Variants in MLIP observed in about 807,000 individuals in gnomAD.
MLIP encodes the protein muscular LMNA interacting protein, also known as muscular LMNA-interacting protein.
MLIP carries 79 observed loss-of-function variants against 84.8 expected under a neutral mutation model. The ratio of observed to expected loss-of-function variants is 0.93; its 90% CI spans 0.78 to 1.12. MLIP has a LOEUF of 1.12. MLIP is among the 50% of genes most tolerant of loss of function. The probability of loss-of-function intolerance (pLI) is 0.00; values close to 1 mark genes in which losing one functional copy is unlikely to be tolerated. For synonymous variants in MLIP, 504 were observed against 463.0 expected (o/e 1.09, Z -1.14); for missense variants, 1,257 against 1,160.6 (o/e 1.08, Z -1.21).
chr6:54,158,119 G>C (rs1368049466), intron 5 of MLIP, among the ~76,000 whole-genome samples: 2 of 152,076 alleles, frequency 1.3e-5, no homozygotes, highest in Non-Finnish European at 2.9e-5. Context: ...AAGGCTAATA[G>C]TTCTGGATGG....
At chr6:54,154,227 C>T (rs1773778938) in intron 5 of MLIP, among the ~76,000 whole-genome samples, 1 of 151,816 alleles carries the variant, frequency 6.6e-6, no homozygotes, top group African/African-American at 2.4e-5. Flanking sequence ...AATTTTATTC[C>T]ACAGGCTCTT....
intron 9 of MLIP, among the ~76,000 whole-genome samples, chr6:54,182,926 A>T (rs1157594979): frequency 1.3e-5 from 2 of 152,212 alleles, no homozygotes; most frequent in Non-Finnish European, 2.9e-5. Context: ...GTGCAGAGGA[A>T]ATATCTGAGA....
At chr6:54,178,991 G>C (rs1045867425) in intron 9 of MLIP, among the ~76,000 whole-genome samples, 1 of 152,044 alleles carries the variant, frequency 6.6e-6, no homozygotes, top group African/African-American at 2.4e-5. Flanking sequence ...CTAAAATTGG[G>C]GTGTTGAAGT....
At position 54,137,309 on chromosome 6, in the gene MLIP, C is replaced by T; in HGVS notation, c.1240C>T (p.Leu414Phe). 1 of 1,536,096 alleles carries T rather than the reference C, an allele frequency of 6.5e-7. No individual in the cohort carries two copies. The highest frequency in any genetic ancestry group is 8.7e-7 in the Non-Finnish European group (1 of 1,146,886). Residue 414 changes from leucine (L) to phenylalanine (F), a missense_variant, in exon 4 of 14, where the codon CTT (leucine) becomes TTT (phenylalanine). Coordinates refer to ENST00000502396, the MANE Select transcript of MLIP (RefSeq NM_001281747.2). ...SGVKSPVPSR[L>F]ALLTAILKSN... is the part of the protein sequence containing the mutation. ...GGTAAAATCCCCGGTGCCTTCCCGGCTTGCCCTTCTCACTGCCATTCTCAA... is the reference window on the plus strand; with the variant it reads ...GGTAAAATCCCCGGTGCCTTCCCGGTTTGCCCTTCTCACTGCCATTCTCAA...
chr6:54,183,066 A>G (rs1777042338), intron 9 of MLIP, among the ~76,000 whole-genome samples: 1 of 152,164 alleles, frequency 6.6e-6, no homozygotes. Context: ...AATGTGTCAA[A>G]CTTTATTAAT....
chr6:54,231,645 G>T (rs1049576394), intron 12 of MLIP, among the ~76,000 whole-genome samples: 20 of 152,176 alleles, frequency 1.3e-4, no homozygotes, highest in African/African-American at 4.8e-4. Context: ...GGCTAGTACA[G>T]ATGCTCAGAC....
chr6:54,053,280 CA>C (rs1239296243), intron 1 of MLIP, among the ~76,000 whole-genome samples: 2 of 152,078 alleles, frequency 1.3e-5, no homozygotes, highest in African/African-American at 4.8e-5. Flanking sequence ...AGCTATTTCA[CA>C]AGGTAAAAGA....
At chr6:54,193,901 A>T (rs1403928723) in intron 10 of MLIP, among the ~76,000 whole-genome samples, 1 of 152,092 alleles carries the variant, frequency 6.6e-6, no homozygotes, top group Non-Finnish European at 1.5e-5. Flanking sequence ...AAGATAACAC[A>T]CAAGTTAGGC....
In MLIP at chr6:54,137,580, A is replaced by C. The variant is rs1771926560; in HGVS notation, c.1511A>C (p.Gln504Pro). 6.5e-7 allele frequency: 1 copy of C among 1,535,948 alleles called. No homozygotes were observed. Among genetic ancestry groups the C allele is most frequent in the Non-Finnish European group, 8.7e-7 (1 of 1,146,912 alleles). The change falls in exon 4 of 14, where the codon CAG (glutamine) becomes CCG (proline). Residue 504 changes from glutamine (Q) to proline (P), a missense_variant. Transcript: ENST00000502396. ...TTCACCAAGTCTACTCCGCTTTCTCAGGCGCCCTCCCTCTCTCCTACAAAA... is the reference window on the plus strand; with the variant it reads ...TTCACCAAGTCTACTCCGCTTTCTCCGGCGCCCTCCCTCTCTCCTACAAAA... ...PVFTKSTPLS[Q>P]APSLSPTKQA...
At chr6:54,093,787 G>A (rs746504492) in intron 1 of MLIP, among the ~76,000 whole-genome samples, 4 of 152,172 alleles carry the variant, frequency 2.6e-5, no homozygotes, top group Non-Finnish European at 4.4e-5. Context: ...TTGGAACATA[G>A]GCACACCTAT....
intron 9 of MLIP, among the ~76,000 whole-genome samples, chr6:54,178,776 T>C (rs1040439421): frequency 6.6e-6 from 1 of 152,212 alleles, no homozygotes; most frequent in African/African-American, 2.4e-5. Flanking sequence ...ATTTTAATTT[T>C]TTGAATGTTT....
intron 1 of MLIP, among the ~76,000 whole-genome samples, chr6:54,051,779 A>T (rs1765387276): frequency 6.6e-6 from 1 of 152,170 alleles, no homozygotes; most frequent in African/African-American, 2.4e-5. Flanking sequence ...CATAAAGTTT[A>T]TAATTTTTGA....
intron 1 of MLIP, among the ~76,000 whole-genome samples, chr6:54,105,443 A>AAAG (rs1768940672): frequency 6.6e-6 from 1 of 152,212 alleles, no homozygotes; most frequent in African/African-American, 2.4e-5. Flanking sequence ...TTTATATGAT[A>AAAG]AAGAGTTCAC....
chr6:54,233,648 TG>T (rs1326514495), intron 12 of MLIP, among the ~76,000 whole-genome samples: 1 of 152,228 alleles, frequency 6.6e-6, no homozygotes, highest in Non-Finnish European at 1.5e-5. Context: ...TATGTGTGCA[TG>T]TGTCTTTATA....
At chr6:54,161,242 A>G (rs2754791) in intron 8 of MLIP, among the ~76,000 whole-genome samples, 147,324 of 151,976 alleles carry the variant, frequency 0.97, 71,580 homozygotes, top group East Asian at 1. Context: ...TAAAATTAGT[A>G]TTAAGAGCTT....
intron 11 of MLIP, chr6:54,215,331 C>A: frequency 7.3e-7 from 1 of 1,370,086 alleles, no homozygotes; most frequent in South Asian, 1.9e-5. Flanking sequence ...TTGAAAAAAT[C>A]AGTCCTTACT....
At chr6:54,197,821 A>C (rs1046438073) in intron 10 of MLIP, among the ~76,000 whole-genome samples, 3 of 152,090 alleles carry the variant, frequency 2.0e-5, no homozygotes, top group African/African-American at 4.8e-5. Flanking sequence ...GTTCAGTTTT[A>C]TAGACTCCCC....
chr6:54,029,716 A>G (rs1764018187), intron 1 of MLIP, among the ~76,000 whole-genome samples: 1 of 152,134 alleles, frequency 6.6e-6, no homozygotes, highest in South Asian at 2.1e-4. Flanking sequence ...AGAAATTTTG[A>G]TCATATAACC....
chr6:54,233,533 A>G (rs1408589459), intron 12 of MLIP, among the ~76,000 whole-genome samples: 2 of 152,196 alleles, frequency 1.3e-5, no homozygotes, highest in Non-Finnish European at 2.9e-5. Context: ...ACTGTATAGT[A>G]TTCCATGGTG....
Sources: gnomAD v4.1 joint callset for allele counts (sites outside exome capture counted in the v4.1 genomes callset) on GRCh38, gnomAD v4.1.1 for gene constraint, MANE v1.5 for transcripts, NCBI Gene and HGNC (gene_info 2026-07-23, HGNC 2026-07-21) for gene names.